DOK6: variants seen among roughly 807,000 people sequenced by gnomAD.
DOK6 encodes docking protein 6.
Under a neutral mutation model 44.0 loss-of-function variants are expected in DOK6, and 22 were observed. The ratio of observed to expected loss-of-function variants is 0.50; its 90% CI spans 0.36 to 0.71. The LOEUF is 0.71. Among genes scored for constraint, DOK6 ranks in the 30% least tolerant of loss-of-function variants. The pLI, the probability that DOK6 is intolerant of heterozygous loss-of-function variation, is 0.00. For missense variants in DOK6, 340 were observed against 416.4 expected (o/e 0.82, Z 1.60); for synonymous variants, 166 against 145.5 (o/e 1.14, Z -1.01).
chr18:69,567,314 T>C (rs1599196846), intron 2 of DOK6, among the ~76,000 whole-genome samples: 2 of 152,160 alleles, frequency 1.3e-5, no homozygotes, highest in South Asian at 4.1e-4. Flanking sequence ...AATGTGTCTT[T>C]ATTTTTTAAA....
intron 1 of DOK6, among the ~76,000 whole-genome samples, chr18:69,411,535 T>A (rs1301039546): frequency 2.0e-5 from 3 of 152,182 alleles, no homozygotes; most frequent in Non-Finnish European, 1.5e-5. Context: ...CACCTACTAT[T>A]GTTTGCATTG....
chr18:69,511,490 C>T (rs1176846286), intron 1 of DOK6, among the ~76,000 whole-genome samples: 1 of 152,138 alleles, frequency 6.6e-6, no homozygotes, highest in African/African-American at 2.4e-5. Flanking sequence ...AACTTTACTT[C>T]AGTGTTATCA....
intron 7 of DOK6, among the ~76,000 whole-genome samples, chr18:69,826,764 T>C (rs1981753681): frequency 6.6e-6 from 1 of 152,198 alleles, no homozygotes; most frequent in Non-Finnish European, 1.5e-5. Context: ...TTATTCATTG[T>C]ATAATGCAGA....
intron 2 of DOK6, among the ~76,000 whole-genome samples, chr18:69,598,344 A>G (rs1262471168): frequency 6.6e-6 from 1 of 151,902 alleles, no homozygotes; most frequent in Non-Finnish European, 1.5e-5. Flanking sequence ...ATAGCCTTGA[A>G]AAAGCTAGTT....
chr18:69,452,965 G>GA (rs1353460289), intron 1 of DOK6, among the ~76,000 whole-genome samples: 17 of 104,114 alleles, frequency 1.6e-4, no homozygotes, highest in African/African-American at 6.2e-4. Flanking sequence ...TACTGAATGG[G>GA]AAAAAACTGG....
chr18:69,582,873 T>C (rs1333500846), intron 2 of DOK6, among the ~76,000 whole-genome samples: 1 of 151,790 alleles, frequency 6.6e-6, no homozygotes, highest in African/African-American at 2.4e-5. Context: ...CCATTCGCAT[T>C]TCTATGTGTC....
At chr18:69,546,704 G>A (rs1982415356) in intron 1 of DOK6, among the ~76,000 whole-genome samples, 1 of 151,474 alleles carries the variant, frequency 6.6e-6, no homozygotes, top group South Asian at 2.1e-4. Context: ...TATTCTTGGG[G>A]TACCTGTGAT....
In DOK6 at chr18:69,549,841, A is replaced by G. The variant is rs1391016117; in HGVS notation, c.67-14646A>G. Among the ~76,000 whole-genome samples, 2 of 148,646 alleles carry G rather than the reference A, an allele frequency of 1.3e-5. 1 individual carries two copies. The highest frequency in any genetic ancestry group is 3.0e-5 in the Non-Finnish European group (2 of 66,750). On this transcript the variant is annotated intron_variant, in intron 1 of 7. Transcript: ENST00000382713. ...TTATTTGAAAGAATTTATTAGATTTATCTAAGAAAACGTGGGGAAGAGTTT... is the reference window on the plus strand; with the variant it reads ...TTATTTGAAAGAATTTATTAGATTTGTCTAAGAAAACGTGGGGAAGAGTTT...
chr18:69,548,370 C>G lies in DOK6; in HGVS notation c.67-16117C>G, dbSNP rs572206206. On this transcript the variant is annotated intron_variant, in intron 1 of 7. Transcript: ENST00000382713. ...AGTTGACTTGTCTTTTTCAGTTGCT[C>G]TTATATTTTTAGGTATTTCTAATAA... Among the ~76,000 whole-genome samples, 543 of 151,530 alleles carry G rather than the reference C, an allele frequency of 3.6e-3. 18 individuals carry two copies. Among genetic ancestry groups the G allele is most frequent in the Non-Finnish European group, 5.9e-3 (396 of 67,686 alleles).
At chr18:69,525,887 A>G (rs918421846) in intron 1 of DOK6, among the ~76,000 whole-genome samples, 1 of 152,086 alleles carries the variant, frequency 6.6e-6, no homozygotes, top group Non-Finnish European at 1.5e-5. Flanking sequence ...CTTTTGAGTC[A>G]TGTGTAAATC....
At chr18:69,509,434 G>A (rs1284765722) in intron 1 of DOK6, among the ~76,000 whole-genome samples, 2 of 151,838 alleles carry the variant, frequency 1.3e-5, no homozygotes, top group Non-Finnish European at 2.9e-5. Flanking sequence ...TCAGGAGATC[G>A]AGACCATCCT....
chr18:69,485,894 T>TGTGTGTG (rs1980564266), intron 1 of DOK6, among the ~76,000 whole-genome samples: 2 of 151,426 alleles, frequency 1.3e-5, no homozygotes, highest in African/African-American at 4.9e-5. Flanking sequence ...TGTGTGTGTG[T>TGTGTGTG]GTGTGTGTGT....
chr18:69,440,607 T>C (rs1444010500), intron 1 of DOK6, among the ~76,000 whole-genome samples: 1 of 152,148 alleles, frequency 6.6e-6, no homozygotes, highest in Non-Finnish European at 1.5e-5. Flanking sequence ...TGGGTTATAG[T>C]CTTTTTCACT....
At chr18:69,672,549 G>C (rs891807695) in intron 3 of DOK6, among the ~76,000 whole-genome samples, 6 of 152,156 alleles carry the variant, frequency 3.9e-5, no homozygotes, top group African/African-American at 1.2e-4. Context: ...GTAGATTCGG[G>C]GTTTCGCCAT....
rs1986937883 is a variant in DOK6 at position 69,718,710 on chromosome 18, T to C, written c.599+20117T>C. Among the ~76,000 whole-genome samples, 3 of 152,196 alleles carry C rather than the reference T, an allele frequency of 2.0e-5. No individual in the cohort carries two copies. In the South Asian group the frequency reaches 6.2e-4, roughly 32 times the overall value. On this transcript the variant is annotated intron_variant, in intron 5 of 7. Coordinates refer to ENST00000382713, the MANE Select transcript of DOK6 (RefSeq NM_152721.6). ...CTTCATGTTTCATACTAGTCATGAA[T>C]TCTACTACTAAAATAAGCCTAACAA...
chr18:69,824,874 A>T (rs991708005), intron 7 of DOK6, among the ~76,000 whole-genome samples: 1 of 152,232 alleles, frequency 6.6e-6, no homozygotes, highest in Non-Finnish European at 1.5e-5. Flanking sequence ...CCAGGGTATG[A>T]TTCTTTTAGT....
chr18:69,664,518 AGACTAGAAG>A (rs890487228), intron 3 of DOK6, among the ~76,000 whole-genome samples: 86 of 152,252 alleles, frequency 5.6e-4, no homozygotes, highest in African/African-American at 2.0e-3. Context: ...TATGGAGGTA[AGACTAGAAG>A]GAAAAAAATA....
chr18:69,794,072 C>T (rs1980675273), intron 7 of DOK6, among the ~76,000 whole-genome samples: 1 of 152,144 alleles, frequency 6.6e-6, no homozygotes, highest in African/African-American at 2.4e-5. Context: ...ACTGCTCTCC[C>T]AACACCCTGA....
chr18:69,401,364 C>G lies in DOK6; in HGVS notation c.66+54C>G. On this transcript the variant is annotated intron_variant, in intron 1 of 7. Coordinates refer to ENST00000382713, the MANE Select transcript of DOK6 (RefSeq NM_152721.6). Reference sequence around the variant, plus strand: ...CCCGGCGCTCGTTCGGCCCGGCTGGCTGCCTGGGGGGGGGGCAGGGAGAGG... The same window carrying G: ...CCCGGCGCTCGTTCGGCCCGGCTGGGTGCCTGGGGGGGGGGCAGGGAGAGG... 3 of 1,399,274 alleles carry G rather than the reference C, an allele frequency of 2.1e-6. No individual in the cohort carries two copies. In the East Asian group the frequency reaches 9.0e-5, roughly 42 times the overall value. 86.7% of individuals were successfully genotyped at this position (1,399,274 alleles called of 1,614,324 possible).
Sources: gnomAD v4.1 joint callset for allele counts (sites outside exome capture counted in the v4.1 genomes callset) on GRCh38, gnomAD v4.1.1 for gene constraint, MANE v1.5 for transcripts, NCBI Gene and HGNC (gene_info 2026-07-23, HGNC 2026-07-21) for gene names.